GALNT13: variants seen among roughly 807,000 people sequenced by gnomAD.
GALNT13 encodes the protein polypeptide N-acetylgalactosaminyltransferase 13, also known as UDP-GalNAc:polypeptide N-acetylgalactosaminyltransferase 13.
Under a neutral mutation model 64.2 loss-of-function variants are expected in GALNT13, and 28 were observed. The ratio of observed to expected loss-of-function variants is 0.44; its 90% CI spans 0.32 to 0.60. The LOEUF is 0.60. Ranked by LOEUF, GALNT13 falls within the 20% of genes least tolerant of loss-of-function variation. The pLI, the probability that GALNT13 is intolerant of heterozygous loss-of-function variation, is 0.05. For synonymous variants in GALNT13, 214 were observed against 224.6 expected (o/e 0.95, Z 0.42); for missense variants, 577 against 669.8 (o/e 0.86, Z 1.53).
At chr2:154,236,953 T>A (rs1472688988) in intron 4 of GALNT13, among the ~76,000 whole-genome samples, 1 of 152,056 alleles carries the variant, frequency 6.6e-6, no homozygotes, top group Non-Finnish European at 1.5e-5. Context: ...CATTTTAATA[T>A]GCTTTATTTG....
the GALNT13 span, among the ~76,000 whole-genome samples, chr2:153,629,648 G>T: frequency 4.6e-4 from 70 of 152,002 alleles, no homozygotes; most frequent in Non-Finnish European, 1.3e-4. Flanking sequence ...TTGACAAATG[G>T]GATCTAATTA....
At chr2:153,170,719 A>G in the GALNT13 span, among the ~76,000 whole-genome samples, 4 of 152,218 alleles carry the variant, frequency 2.6e-5, no homozygotes, top group Admixed American at 2.6e-4. Context: ...AACATTATCT[A>G]ACAAATGTTA....
chr2:153,979,415 C>A (rs1007818576), intron 3 of GALNT13, among the ~76,000 whole-genome samples: 2 of 152,174 alleles, frequency 1.3e-5, no homozygotes, highest in African/African-American at 4.8e-5. Flanking sequence ...AACTAAATAT[C>A]CAGGAATGAA....
chr2:154,353,491 G>C (rs561169103), intron 9 of GALNT13, among the ~76,000 whole-genome samples: 2 of 152,162 alleles, frequency 1.3e-5, no homozygotes, highest in Non-Finnish European at 2.9e-5. Flanking sequence ...TTTATTAATA[G>C]TCCTCATGTT....
At chr2:153,479,454 A>C in the GALNT13 span, among the ~76,000 whole-genome samples, 1 of 152,174 alleles carries the variant, frequency 6.6e-6, no homozygotes, top group Non-Finnish European at 1.5e-5. Context: ...GGCAGGTTTT[A>C]CCGTGAGGTT....
the GALNT13 span, among the ~76,000 whole-genome samples, chr2:153,814,350 G>C: frequency 6.6e-6 from 1 of 152,190 alleles, no homozygotes. Context: ...TGAGGCAGGA[G>C]AATGGCGTGA....
At chr2:153,433,481 A>G in the GALNT13 span, among the ~76,000 whole-genome samples, 2 of 152,146 alleles carry the variant, frequency 1.3e-5, no homozygotes. Flanking sequence ...GTACACGTTA[A>G]CTTTGTTTTC....
chr2:153,181,026 G>GTTTCTTTTTTTTTTTTTTTTTTTTTTTT, the GALNT13 span, among the ~76,000 whole-genome samples: 1 of 24,782 alleles, frequency 4.0e-5, no homozygotes, highest in Non-Finnish European at 7.9e-5. Context: ...GGTTTTTATT[G>GTTTCTTTTTTTTTTTTTTTTTTTTTTTT]TTTCTTTTTT....
chr2:153,364,534 A>G, the GALNT13 span, among the ~76,000 whole-genome samples: 1 of 152,242 alleles, frequency 6.6e-6, no homozygotes, highest in Admixed American at 6.5e-5. Flanking sequence ...AACTTCAGCA[A>G]AGTCTCAGGA....
At chr2:153,305,232 G>C in the GALNT13 span, among the ~76,000 whole-genome samples, 1 of 152,008 alleles carries the variant, frequency 6.6e-6, no homozygotes, top group South Asian at 2.1e-4. Flanking sequence ...GGAACATATA[G>C]GTTCTGGGTT....
the GALNT13 span, among the ~76,000 whole-genome samples, chr2:153,268,658 G>T: frequency 6.6e-6 from 1 of 152,214 alleles, no homozygotes; most frequent in Non-Finnish European, 1.5e-5. Flanking sequence ...CCTGGTACAG[G>T]TTCTCTATGA....
chr2:153,581,334 G>A, the GALNT13 span, among the ~76,000 whole-genome samples: 1 of 152,032 alleles, frequency 6.6e-6, no homozygotes, highest in Admixed American at 6.6e-5. Flanking sequence ...GTTCACCATT[G>A]TTATATTTTA....
intron 9 of GALNT13, among the ~76,000 whole-genome samples, chr2:154,355,857 G>A (rs1185553907): frequency 1.3e-5 from 2 of 151,950 alleles, no homozygotes; most frequent in African/African-American, 2.4e-5. Flanking sequence ...TTTTTCTCTT[G>A]TACCAGTGTA....
At chr2:153,254,119 G>A in the GALNT13 span, among the ~76,000 whole-genome samples, 2 of 152,106 alleles carry the variant, frequency 1.3e-5, no homozygotes, top group Admixed American at 6.5e-5. Flanking sequence ...TGGTTGGTAA[G>A]CTATTGATTA....
intron 4 of GALNT13, among the ~76,000 whole-genome samples, chr2:154,152,213 A>G (rs1684079794): frequency 6.6e-6 from 1 of 152,182 alleles, no homozygotes; most frequent in Admixed American, 6.5e-5. Flanking sequence ...TGGATATGAA[A>G]TTCTGGGTTG....
At chr2:154,119,510 G>A (rs1402349989) in intron 3 of GALNT13, among the ~76,000 whole-genome samples, 1 of 152,146 alleles carries the variant, frequency 6.6e-6, no homozygotes, top group African/African-American at 2.4e-5. Context: ...CTCTAAATAT[G>A]ATTTCTGGCT....
chr2:153,896,774 C>G (rs548290357), intron 1 of GALNT13, among the ~76,000 whole-genome samples: 1 of 152,052 alleles, frequency 6.6e-6, no homozygotes, highest in Non-Finnish European at 1.5e-5. Context: ...GTCTGTTGTT[C>G]TCTTCTTAAA....
At chr2:153,212,298 C>A in the GALNT13 span, among the ~76,000 whole-genome samples, 13 of 152,204 alleles carry the variant, frequency 8.5e-5, no homozygotes, top group African/African-American at 3.1e-4. Flanking sequence ...CCTCTAATGC[C>A]AGCTTCGTGA....
the GALNT13 span, among the ~76,000 whole-genome samples, chr2:153,800,087 C>T: frequency 2.0e-5 from 2 of 100,270 alleles, no homozygotes; most frequent in Non-Finnish European, 2.3e-5. Context: ...TCTCTCTCCA[C>T]CCCCCACCAC....
Sources: gnomAD v4.1 joint callset for allele counts (sites outside exome capture counted in the v4.1 genomes callset) on GRCh38, gnomAD v4.1.1 for gene constraint, MANE v1.5 for transcripts, NCBI Gene and HGNC (gene_info 2026-07-23, HGNC 2026-07-21) for gene names.